ADGRF5: variants seen among roughly 807,000 people sequenced by gnomAD.
ADGRF5 encodes the protein adhesion G protein-coupled receptor F5.
A neutral mutation model predicts 132.3 loss-of-function variants in ADGRF5; 75 were observed. The ratio of observed to expected loss-of-function variants is 0.57; its 90% CI spans 0.47 to 0.69. The LOEUF is 0.69. Among genes scored for constraint, ADGRF5 ranks in the 30% least tolerant of loss-of-function variants. ADGRF5 has a pLI of 0.00. For missense variants in ADGRF5, 1,516 were observed against 1,630.6 expected (o/e 0.93, Z 1.21); for synonymous variants, 629 against 597.6 (o/e 1.05, Z -0.77).
chr6:46,923,565 G>A (rs893966766), upstream of ADGRF5, among the ~76,000 whole-genome samples: 9 of 152,308 alleles, frequency 5.9e-5, no homozygotes, highest in South Asian at 1.9e-3. Flanking sequence ...AACTTAAAAA[G>A]AGCCTGCTGA....
At chr6:46,862,731 C>CTTTTTTTTTTTA (rs1769926537) in intron 15 of ADGRF5, among the ~76,000 whole-genome samples, 157 bp downstream of exon 15, 1 of 21,786 alleles carries the variant, frequency 4.6e-5, no homozygotes, top group Non-Finnish European at 8.6e-5. Context: ...TTTTTTTTTG[C>CTTTTTTTTTTTA]ATTTCTAGGG....
chr6:46,929,411 G>A (rs1003662282), intron 1 of ADGRF5, among the ~76,000 whole-genome samples: 2 of 151,632 alleles, frequency 1.3e-5, no homozygotes, highest in Non-Finnish European at 2.9e-5. Flanking sequence ...GTTAATGGGT[G>A]TAGCACACCA....
chr6:46,888,574 TTC>T, intron 3 of ADGRF5, 69 bp from the exon 4 acceptor site: 1 of 1,082,842 alleles, frequency 9.2e-7, no homozygotes, highest in Non-Finnish European at 1.4e-6. Context: ...TGATGGATAT[TTC>T]AGCAGTTAAA....
At chr6:46,909,462 T>C (rs555715649) in intron 1 of ADGRF5, among the ~76,000 whole-genome samples, 1 of 152,224 alleles carries the variant, frequency 6.6e-6, no homozygotes, top group Non-Finnish European at 1.5e-5. Flanking sequence ...CCTCTGACTC[T>C]ATTTTCCTGT....
intron 4 of ADGRF5, among the ~76,000 whole-genome samples, chr6:46,885,119 G>A (rs1296651135): frequency 6.6e-6 from 1 of 151,006 alleles, no homozygotes; most frequent in Admixed American, 6.6e-5. Flanking sequence ...GCTTGAGCCT[G>A]GGAGGAAGAG....
At position 46,881,567 on chromosome 6, in the gene ADGRF5, G is replaced by A; in HGVS notation, c.702C>T (p.Val234=). Residue 234 remains valine, a synonymous_variant, in exon 8 of 21, where the codon GTC becomes GTT. Coordinates refer to ENST00000283296, the MANE Select transcript of ADGRF5 (RefSeq NM_001098518.2). ...KSGSVVVTYE[V]KTTPPSLELI... is the part of the protein sequence containing the mutation. ...ACTCAAGTGATGGTGGTGTAGTCTT[G>A]ACTTCATATGTCACAACCACACTTC... 6.2e-7 allele frequency: 1 copy of A among 1,613,734 alleles called. No individual in the cohort carries two copies. The highest frequency in any genetic ancestry group is 8.5e-7 in the Non-Finnish European group (1 of 1,179,720).
chr6:46,898,143 C>A (rs892171282), intron 3 of ADGRF5, among the ~76,000 whole-genome samples: 14 of 152,180 alleles, frequency 9.2e-5, no homozygotes, highest in Admixed American at 7.2e-4. Flanking sequence ...AAATGGTTTC[C>A]TCCCCAAGGG....
chr6:46,871,029 C>T (rs1771001343), intron 11 of ADGRF5, among the ~76,000 whole-genome samples: 1 of 150,450 alleles, frequency 6.6e-6, no homozygotes, highest in South Asian at 2.1e-4. Flanking sequence ...TAGATTACGC[C>T]CACATAAACA....
At chr6:46,940,072 T>C (rs1777992137) in intron 1 of ADGRF5, among the ~76,000 whole-genome samples, 1 of 152,216 alleles carries the variant, frequency 6.6e-6, no homozygotes, top group South Asian at 2.1e-4. Flanking sequence ...AAACACCGAT[T>C]GAAAAATATG....
At chr6:46,934,753 A>G (rs1054041653) in intron 1 of ADGRF5, among the ~76,000 whole-genome samples, 1 of 152,190 alleles carries the variant, frequency 6.6e-6, no homozygotes, top group Admixed American at 6.5e-5. Context: ...CTTGGAACAA[A>G]CATATGTAGC....
rs1050967008 is a variant in ADGRF5 at position 46,856,179 on chromosome 6, T to A, written c.3877-121A>T. The A allele has an allele frequency of 4.8e-4, 305 of 629,132 alleles. 2 individuals are homozygous for A. Among genetic ancestry groups the A allele is most frequent in the Non-Finnish European group, 1.3e-4 (44 of 345,626 alleles). The allele number at this position is 629,132 out of a possible 1,614,324, so 39.0% of individuals were successfully genotyped here. On this transcript the variant is annotated intron_variant, in intron 19 of 20. Coordinates refer to ENST00000283296, the MANE Select transcript of ADGRF5 (RefSeq NM_001098518.2). The stretch of plus-strand genomic sequence containing the variant: ...TCACTGCCGGAATCTCTAGTCCCAC[T>A]CCCAGAGGTCACATTAAAATACTGG...
At chr6:46,881,826 T>C (rs1772504535) in intron 7 of ADGRF5, among the ~76,000 whole-genome samples, 1 of 152,250 alleles carries the variant, frequency 6.6e-6, no homozygotes, top group African/African-American at 2.4e-5. Context: ...CCCTTATCTT[T>C]GCTTGCAAAA....
At chr6:46,939,367 C>T (rs796915907) in intron 1 of ADGRF5, among the ~76,000 whole-genome samples, 15 of 152,108 alleles carry the variant, frequency 9.9e-5, no homozygotes, top group African/African-American at 3.6e-4. Flanking sequence ...TGGAGGGGCA[C>T]AGGAAACAGG....
chr6:46,918,797 A>C (rs1332344010), intron 1 of ADGRF5, among the ~76,000 whole-genome samples: 1 of 152,178 alleles, frequency 6.6e-6, no homozygotes, highest in Non-Finnish European at 1.5e-5. Context: ...AATTCTAATG[A>C]TCTGCACTGC....
chr6:46,854,689 G>C, intron 20 of ADGRF5: 1 of 1,250,084 alleles, frequency 8.0e-7, no homozygotes, highest in Non-Finnish European at 1.0e-6. Context: ...TGTCGGGCAA[G>C]AAAAGGGTTG....
intron 2 of ADGRF5, among the ~76,000 whole-genome samples, chr6:46,900,618 C>A (rs1050119101): frequency 4.6e-5 from 7 of 152,130 alleles, no homozygotes; most frequent in African/African-American, 9.7e-5. Context: ...GTAGTAGGAA[C>A]TAAGAAAGCC....
chr6:46,950,566 G>A (rs2113846420), intron 1 of ADGRF5, among the ~76,000 whole-genome samples: 1 of 152,286 alleles, frequency 6.6e-6, no homozygotes, highest in South Asian at 2.1e-4. Context: ...CCAGGCTGGA[G>A]TGCAGTGGCA....
chr6:46,874,113 G>A (rs1771381805), intron 10 of ADGRF5, among the ~76,000 whole-genome samples: 1 of 152,174 alleles, frequency 6.6e-6, no homozygotes, highest in Admixed American at 6.5e-5. Context: ...CTCACCATCT[G>A]ATGTCCCTCT....
intron 4 of ADGRF5, chr6:46,888,091 C>A: frequency 2.7e-6 from 1 of 377,228 alleles, no homozygotes; most frequent in South Asian, 3.9e-5. Flanking sequence ...CACTTTATGA[C>A]AAGCATCATA....
Sources: gnomAD v4.1 joint callset for allele counts (sites outside exome capture counted in the v4.1 genomes callset) on GRCh38, gnomAD v4.1.1 for gene constraint, MANE v1.5 for transcripts, NCBI Gene and HGNC (gene_info 2026-07-23, HGNC 2026-07-21) for gene names.